The following CYTH1 variants were observed in gnomAD, a reference collection of about 807,000 sequenced individuals.
CYTH1 encodes the protein cytohesin 1.
Under a neutral mutation model 61.8 loss-of-function variants are expected in CYTH1, and 18 were observed. That is an observed-to-expected ratio of 0.29 (90% CI 0.20 to 0.43). The LOEUF (loss-of-function observed/expected upper bound fraction) is 0.43, where lower values mean the gene tolerates loss of function less well. Among genes scored for constraint, CYTH1 ranks in the 20% least tolerant of loss-of-function variants. The pLI is 1.00. For synonymous variants in CYTH1, 174 were observed against 184.3 expected (o/e 0.94, Z 0.45); for missense variants, 336 against 510.5 (o/e 0.66, Z 3.29).
At chr17:78,780,063 G>C (rs998417980) in intron 1 of CYTH1, among the ~76,000 whole-genome samples, 5 of 152,242 alleles carry the variant, frequency 3.3e-5, no homozygotes, top group African/African-American at 1.2e-4. Flanking sequence ...CAAAAGCCTG[G>C]TAGGCAGGAC....
At chr17:78,761,316 T>C (rs2093427757) in intron 1 of CYTH1, among the ~76,000 whole-genome samples, 1 of 152,232 alleles carries the variant, frequency 6.6e-6, no homozygotes, top group African/African-American at 2.4e-5. Context: ...TTTCTAGTCC[T>C]GCTCTAGGCT....
intron 1 of CYTH1, among the ~76,000 whole-genome samples, chr17:78,770,474 A>G (rs1467302436): frequency 6.6e-6 from 1 of 150,944 alleles, no homozygotes; most frequent in East Asian, 2.0e-4. Context: ...GCGGGAGTGC[A>G]GTGGTGTGAC....
chr17:78,748,370 A>G (rs1177098852), intron 1 of CYTH1, among the ~76,000 whole-genome samples: 1 of 152,232 alleles, frequency 6.6e-6, no homozygotes, highest in Non-Finnish European at 1.5e-5. Flanking sequence ...GTTTCAACAC[A>G]GTCCTGGGTC....
chr17:78,681,660 C>T (rs925003907), intron 11 of CYTH1, among the ~76,000 whole-genome samples: 31 of 152,148 alleles, frequency 2.0e-4, no homozygotes, highest in South Asian at 4.1e-4. Context: ...TTCCAGCACA[C>T]GCCTGACGGC....
Position 78,702,410 on chromosome 17 carries a change from A to G in CYTH1, c.237+128T>C, listed in dbSNP as rs1047012948. On this transcript the variant is annotated intron_variant, in intron 4 of 13. Coordinates refer to ENST00000446868, the MANE Select transcript of CYTH1 (RefSeq NM_004762.6). ...CAGTTTAGGAACAAGGGCTTAGTGC[A>G]TAACATTTGCTCTACAAAACGGCAA... 1.2e-4 allele frequency: 134 copies of G among 1,105,066 alleles called. No homozygotes were observed. The African/African-American group carries it at 1.8e-3, about 15-fold the overall frequency. 68.5% of individuals were successfully genotyped at this position (1,105,066 alleles called of 1,614,324 possible).
intron 1 of CYTH1, among the ~76,000 whole-genome samples, chr17:78,756,041 C>T (rs2093399450): frequency 6.6e-6 from 1 of 151,382 alleles, no homozygotes; most frequent in Non-Finnish European, 1.5e-5. Context: ...GAATATATCC[C>T]ATCAAATTGT....
At chr17:78,722,763 G>T (rs139979859) in intron 1 of CYTH1, among the ~76,000 whole-genome samples, 1 of 152,090 alleles carries the variant, frequency 6.6e-6, no homozygotes, top group Non-Finnish European at 1.5e-5. Context: ...CATTAAACGC[G>T]ACGTACAATT....
chr17:78,696,485 T>C (rs2092939967), intron 9 of CYTH1, among the ~76,000 whole-genome samples: 1 of 152,252 alleles, frequency 6.6e-6, no homozygotes, highest in African/African-American at 2.4e-5. Flanking sequence ...ATACACATTC[T>C]TATGGCTATA....
rs957566637 is a variant in CYTH1 at position 78,722,595 on chromosome 17, G to A, written c.23-12863C>T. On this transcript the variant is annotated intron_variant, in intron 1 of 13. Transcript: ENST00000446868. ...ACAGCTGGGCCACGACACCCCTTCC[G>A]TGTCCAAAAGAGAGGCTTGGTGGCT... Among the ~76,000 whole-genome samples the A allele has an allele frequency of 2.0e-5, 3 of 152,118 alleles. No homozygotes were observed. The South Asian group carries it at 6.2e-4, about 32-fold the overall frequency.
Position 78,750,672 on chromosome 17 carries a change from G to C in CYTH1, c.22+31530C>G, listed in dbSNP as rs145667662. ...AATACAAAAATTAGATGGGTGAGGT[G>C]GTGGGCGCCTGTAATCCCAGCTACA... On this transcript the variant is annotated intron_variant, in intron 1 of 13. Transcript: ENST00000446868. Among the ~76,000 whole-genome samples the C allele has an allele frequency of 2.8e-4, 43 of 152,004 alleles. No individual in the cohort carries two copies. In the East Asian group the frequency reaches 8.0e-3, roughly 28 times the overall value.
intron 1 of CYTH1, among the ~76,000 whole-genome samples, chr17:78,725,276 A>G (rs753594271): frequency 2.6e-5 from 4 of 152,206 alleles, no homozygotes; most frequent in Non-Finnish European, 5.9e-5. Context: ...CATATTAACC[A>G]TCACCTGATG....
At chr17:78,711,599 A>T (rs1182621309) in intron 1 of CYTH1, among the ~76,000 whole-genome samples, 1 of 152,116 alleles carries the variant, frequency 6.6e-6, no homozygotes, top group African/African-American at 2.4e-5. Flanking sequence ...TTCACAGAGC[A>T]GTTACTTTCC....
chr17:78,760,091 G>A (rs780957229), intron 1 of CYTH1, among the ~76,000 whole-genome samples: 31 of 151,678 alleles, frequency 2.0e-4, no homozygotes, highest in Non-Finnish European at 3.5e-4. Flanking sequence ...GGGATTCTGC[G>A]GGTTAGTCAA....
chr17:78,711,074 A>G (rs2093124129), intron 1 of CYTH1, among the ~76,000 whole-genome samples: 1 of 151,932 alleles, frequency 6.6e-6, no homozygotes, highest in Admixed American at 6.6e-5. Flanking sequence ...CATCCTGGCT[A>G]ACATGGTGAA....
Position 78,700,290 on chromosome 17 carries a change from T to A in CYTH1, c.550+41A>T. On this transcript the variant is annotated intron_variant, in intron 7 of 13. Coordinates refer to ENST00000446868, the MANE Select transcript of CYTH1 (RefSeq NM_004762.6). The surrounding 1 kb of genome is among the most constrained non-coding windows in gnomAD (Gnocchi z 5.1). ...CTGGTGCCAAGAAAATAATCCAGTG[T>A]AAAACGCCCATCATAAACTAGGATG... 6.6e-7 allele frequency: 1 copy of A among 1,525,382 alleles called. No homozygotes were observed. Among genetic ancestry groups the A allele is most frequent in the Non-Finnish European group, 8.9e-7 (1 of 1,126,044 alleles). The allele number at this position is 1,525,382 out of a possible 1,614,324, so 94.5% of individuals were successfully genotyped here. A position where few individuals can be genotyped will look rare whatever the true frequency, so the allele number is the denominator to read the frequency against.
rs1425181655 is a variant in CYTH1 at position 78,782,269 on chromosome 17, G to GCCGCGCCAC, written c.-47_-46insGTGGCGCGG. The GCCGCGCCAC allele has an allele frequency of 8.3e-7, 1 of 1,204,096 alleles. No individual in the cohort carries two copies. The highest frequency in any genetic ancestry group is 3.4e-4 in the Middle Eastern group (1 of 2,968). The allele number at this position is 1,204,096 out of a possible 1,614,324, so 74.6% of individuals were successfully genotyped here. On this transcript the variant is annotated 5_prime_UTR_variant, in exon 1 of 14. Transcript: ENST00000446868. ...CGCTCCGGCTCGCCGCTCGCGTCCC[G>GCCGCGCCAC]CCGCGCCACCCGCGCCCCCGCTCGC... is the stretch of plus-strand genomic sequence containing the variant.
At chr17:78,732,847 G>A (rs892302200) in intron 1 of CYTH1, among the ~76,000 whole-genome samples, 21 of 152,212 alleles carry the variant, frequency 1.4e-4, no homozygotes, top group African/African-American at 4.8e-4. Context: ...CCAGCACTGT[G>A]GGAGGCCAAG....
At chr17:78,695,162 T>C (rs909799097) in intron 10 of CYTH1, among the ~76,000 whole-genome samples, 9 of 152,286 alleles carry the variant, frequency 5.9e-5, no homozygotes, top group Middle Eastern at 3.4e-3. Flanking sequence ...CTGAGGGGTC[T>C]TGGGCTAAGA....
intron 13 of CYTH1, chr17:78,676,633 G>A (rs757506440): frequency 3.6e-6 from 1 of 277,920 alleles, no homozygotes; most frequent in South Asian, 3.5e-5. Context: ...AGCCCCCCAC[G>A]TGCACCTGCT....
Sources: gnomAD v4.1 joint callset for allele counts (sites outside exome capture counted in the v4.1 genomes callset) on GRCh38, gnomAD v4.1.1 for gene constraint, Gnocchi (gnomAD v3.1) non-coding constraint, MANE v1.5 for transcripts, NCBI Gene and HGNC (gene_info 2026-07-23, HGNC 2026-07-21) for gene names.